PTPN13: variants seen among roughly 807,000 people sequenced by gnomAD.
PTPN13 encodes tyrosine-protein phosphatase non-receptor type 13.
A neutral mutation model predicts 284.0 loss-of-function variants in PTPN13; 191 were observed. The observed-to-expected ratio is 0.67, with a 90% CI of 0.60 to 0.76. PTPN13 has a LOEUF of 0.76. Ranked by LOEUF, PTPN13 falls within the 30% of genes least tolerant of loss-of-function variation. The probability of loss-of-function intolerance (pLI) is 0.00; values close to 1 mark genes in which losing one functional copy is unlikely to be tolerated. For missense variants in PTPN13, 2,797 were observed against 2,939.9 expected (o/e 0.95, Z 1.12); for synonymous variants, 986 against 1,022.3 (o/e 0.96, Z 0.68).
At chr4:86,663,186 T>A (rs1726705866) in intron 2 of PTPN13, among the ~76,000 whole-genome samples, 1 of 152,194 alleles carries the variant, frequency 6.6e-6, no homozygotes, top group South Asian at 2.1e-4. Flanking sequence ...CATTGCTAGG[T>A]TCATGGCTGA....
intron 17 of PTPN13, among the ~76,000 whole-genome samples, chr4:86,748,984 T>C (rs570934250): frequency 5.1e-4 from 78 of 152,290 alleles, no homozygotes; most frequent in African/African-American, 1.7e-3. Context: ...CAAAGGTGTA[T>C]TTTTAAAAGT....
intron 15 of PTPN13, among the ~76,000 whole-genome samples, 158 bp from the exon 16 acceptor site, chr4:86,741,476 C>T (rs1666159315): frequency 6.6e-6 from 1 of 152,172 alleles, no homozygotes; most frequent in South Asian, 2.1e-4. Flanking sequence ...GACCTGCCCC[C>T]ATGATTCAGT....
intron 20 of PTPN13, among the ~76,000 whole-genome samples, chr4:86,755,983 G>A (rs541498331): frequency 5.3e-5 from 8 of 151,332 alleles, no homozygotes; most frequent in East Asian, 3.9e-4. Context: ...ATTTTATTCC[G>A]TCTTTACTGC....
chr4:86,810,453 TA>T (rs907298546), intron 46 of PTPN13, among the ~76,000 whole-genome samples: 5 of 138,452 alleles, frequency 3.6e-5, no homozygotes, highest in Non-Finnish European at 8.0e-5. Context: ...TTACTCTACA[TA>T]AAAAAATTAC....
chr4:86,784,324 C>G, intron 37 of PTPN13, 141 bp from the exon 38 acceptor site: 1 of 564,732 alleles, frequency 1.8e-6, no homozygotes, highest in Middle Eastern at 2.6e-4. Flanking sequence ...CTGATATTTC[C>G]TTTCAAACAC....
rs993671799 is a variant in PTPN13, at chr4:86,758,947, C to T, written c.3427C>T (p.Arg1143Cys). Residue 1143 changes from arginine to cysteine, a missense_variant, in exon 23 of 48, where the codon CGT becomes TGT. Transcript: ENST00000411767. ...DLDGCLKPGD[R>C]LISVNSVSLE... ...TGGATTGTCTATTTGTACAGGAGAC[C>T]GTTTGATATCTGTGAATAGTGTGAG... 7.4e-6 allele frequency: 12 copies of T among 1,612,296 alleles called. No homozygotes were observed. In the South Asian group the frequency reaches 7.7e-5, roughly 10 times the overall value.
chr4:86,769,880 A>T lies in PTPN13; in HGVS notation c.4601A>T (p.Lys1534Ile), dbSNP rs764223645. Residue 1534 changes from lysine to isoleucine, a missense_variant, in exon 29 of 48, where the codon AAA (lysine) becomes ATA (isoleucine). Transcript: ENST00000411767. ...EQINASIVRVKKLFPGQPAAE... is the reference protein window; with the variant it reads ...EQINASIVRVIKLFPGQPAAE... ...ATTAATGCCAGCATAGTAAGGGTTA[A>T]AAAGCTCTTTCCTGGACAGCCAGCA... is the stretch of plus-strand genomic sequence containing the variant. The T allele has an allele frequency of 6.2e-7, 1 of 1,613,870 alleles. No individual in the cohort carries two copies. Among genetic ancestry groups the T allele is most frequent in the Non-Finnish European group, 8.5e-7 (1 of 1,179,876 alleles).
chr4:86,615,315 G>A (rs1720418019), intron 1 of PTPN13, among the ~76,000 whole-genome samples: 1 of 151,962 alleles, frequency 6.6e-6, no homozygotes, highest in Non-Finnish European at 1.5e-5. Context: ...CCATAAAGAT[G>A]GTCAAATATT....
intron 38 of PTPN13, 130 bp downstream of exon 38, chr4:86,784,688 A>G (rs778224838): frequency 7.9e-6 from 5 of 629,258 alleles, no homozygotes; most frequent in Non-Finnish European, 1.1e-5. Flanking sequence ...TTATTGGTCA[A>G]ATAAACAAAA....
chr4:86,662,481 A>T (rs1431012727), intron 2 of PTPN13, among the ~76,000 whole-genome samples: 1 of 152,068 alleles, frequency 6.6e-6, no homozygotes, highest in Admixed American at 6.5e-5. Context: ...ATAAGCACGC[A>T]CCACCACGCC....
intron 10 of PTPN13, among the ~76,000 whole-genome samples, chr4:86,729,530 G>T (rs1734705635): frequency 6.7e-6 from 1 of 149,402 alleles, no homozygotes; most frequent in Non-Finnish European, 1.5e-5. Context: ...TGGAGGCTTT[G>T]TTCGTTTCTT....
rs1477664504 is a variant in PTPN13 at position 86,775,593 on chromosome 4, G to A, written c.5832G>A (p.Leu1944=). The A allele has an allele frequency of 6.2e-7, 1 of 1,613,470 alleles. No homozygotes were observed. The highest frequency in any genetic ancestry group is 8.5e-7 in the Non-Finnish European group (1 of 1,179,710). ...VNGVSTQGMT[L]EEVNRALDMS... ...GAGTCAGCACACAAGGAATGACCTT[G>A]GAGGAAGTTAACAGAGCATTAGACA... Residue 1944 remains leucine, a synonymous_variant, in exon 35 of 48, where the codon TTG becomes TTA. Transcript: ENST00000411767.
chr4:86,763,153 C>T lies in PTPN13; in HGVS notation c.3980C>T (p.Thr1327Ile), dbSNP rs949744450. ...GGAGATTCAGACATGGATGAAGCCACTTACTCCAGCAGTCAGGATCATCAA... is the reference window on the plus strand; with the variant it reads ...GGAGATTCAGACATGGATGAAGCCATTTACTCCAGCAGTCAGGATCATCAA... ...DRGDSDMDEATYSSSQDHQTP... is the reference protein window; with the variant it reads ...DRGDSDMDEAIYSSSQDHQTP... The change falls in exon 24 of 48, where the codon ACT becomes ATT. Residue 1327 changes from threonine (T) to isoleucine (I), a missense_variant. Coordinates refer to ENST00000411767, the MANE Select transcript of PTPN13 (RefSeq NM_080683.3). The T allele has an allele frequency of 5.6e-6, 9 of 1,613,534 alleles. No homozygotes were observed. Among genetic ancestry groups the T allele is most frequent in the Admixed American group, 5.0e-5 (3 of 59,930 alleles).
At chr4:86,632,852 A>G (rs1341458991) in intron 1 of PTPN13, among the ~76,000 whole-genome samples, 1 of 152,132 alleles carries the variant, frequency 6.6e-6, no homozygotes, top group Non-Finnish European at 1.5e-5. Flanking sequence ...TCTGTCAACC[A>G]GGCTGGAGTA....
chr4:86,633,043 C>T (rs1412843288), intron 1 of PTPN13, among the ~76,000 whole-genome samples: 3 of 152,030 alleles, frequency 2.0e-5, no homozygotes, highest in Non-Finnish European at 4.4e-5. Context: ...TGGCCTGAAG[C>T]GATCCTCCTA....
At chr4:86,672,237 A>G (rs1727789370) in intron 2 of PTPN13, 128 bp from the exon 3 acceptor site, 8 of 700,842 alleles carry the variant, frequency 1.1e-5, no homozygotes, top group Admixed American at 3.5e-5. Flanking sequence ...GTATATGTTA[A>G]CTACTTATTA....
chr4:86,660,299 G>T (rs1348499677), intron 2 of PTPN13, among the ~76,000 whole-genome samples: 1 of 151,950 alleles, frequency 6.6e-6, no homozygotes, highest in African/African-American at 2.4e-5. Context: ...AAAAGAAAGT[G>T]TAAAACTTCC....
At chr4:86,749,862 C>T (rs1042072554) in intron 17 of PTPN13, among the ~76,000 whole-genome samples, 1 of 152,164 alleles carries the variant, frequency 6.6e-6, no homozygotes, top group Non-Finnish European at 1.5e-5. Context: ...AGTGAAATAA[C>T]AAAAGGAATA....
Position 86,814,584 on chromosome 4 carries a change from C to A in PTPN13, c.*33C>A. The stretch of plus-strand genomic sequence containing the variant: ...AGAGCCTCTGGATGCATTTCCATTT[C>A]TCTCCTTAACCTCCAGCAGACTCCT... On this transcript the variant is annotated 3_prime_UTR_variant, in exon 48 of 48. Coordinates refer to ENST00000411767, the MANE Select transcript of PTPN13 (RefSeq NM_080683.3). 6.5e-7 allele frequency: 1 copy of A among 1,535,248 alleles called. No individual in the cohort carries two copies. Among genetic ancestry groups the A allele is most frequent in the South Asian group, 1.1e-5 (1 of 88,660 alleles).
Sources: allele counts gnomAD v4.1 joint callset (sites outside exome capture counted in the v4.1 genomes callset), GRCh38; gene constraint gnomAD v4.1.1; transcripts MANE v1.5; gene names NCBI Gene and HGNC (gene_info 2026-07-23, HGNC 2026-07-21).